GRIN2B: variants seen among roughly 807,000 people sequenced by gnomAD.
GRIN2B encodes the protein glutamate receptor ionotropic, NMDA 2B.
GRIN2B carries 5 observed loss-of-function variants against 114.5 expected under a neutral mutation model. The observed-to-expected ratio is 0.04, with a 90% CI of 0.02 to 0.09. The LOEUF (loss-of-function observed/expected upper bound fraction) is 0.09. GRIN2B is among the 10% of genes least tolerant of loss of function. The probability of loss-of-function intolerance (pLI) is 1.00; values close to 1 mark genes in which losing one functional copy is unlikely to be tolerated. For synonymous variants in GRIN2B, 787 were observed against 745.1 expected, an observed-to-expected ratio of 1.06 and a Z score of -0.92; for missense variants, 1,108 against 1,943.5, an observed-to-expected ratio of 0.57 and a Z score of 8.08.
intron 10 of GRIN2B, among the ~76,000 whole-genome samples, chr12:13,595,937 G>T (rs1043723356): frequency 1.3e-5 from 2 of 152,016 alleles, no homozygotes; most frequent in African/African-American, 4.8e-5. Context: ...TGTGGTGTAT[G>T]TGCTGGTGTG....
chr12:13,663,532 T>C (rs1949945124), intron 5 of GRIN2B, among the ~76,000 whole-genome samples: 1 of 152,216 alleles, frequency 6.6e-6, no homozygotes, highest in Non-Finnish European at 1.5e-5. Flanking sequence ...GAGGGGTTTC[T>C]AATTGCCTGA....
At chr12:13,708,659 T>C (rs1950385191) in intron 4 of GRIN2B, among the ~76,000 whole-genome samples, 1 of 152,046 alleles carries the variant, frequency 6.6e-6, no homozygotes, top group Admixed American at 6.6e-5. Flanking sequence ...ATATCATTTC[T>C]TTCTATAAAA....
chr12:13,655,429 G>A (rs139835843), intron 5 of GRIN2B, among the ~76,000 whole-genome samples: 65 of 152,208 alleles, frequency 4.3e-4, no homozygotes, highest in South Asian at 8.3e-4. Flanking sequence ...ATTTTACAGC[G>A]GTAAGAATTG....
chr12:13,752,403 A>T (rs1378859522), intron 4 of GRIN2B, among the ~76,000 whole-genome samples: 1 of 152,230 alleles, frequency 6.6e-6, no homozygotes, highest in Non-Finnish European at 1.5e-5. Flanking sequence ...ATGCATAGAG[A>T]GATATCTAGA....
chr12:13,971,090 C>T (rs1311283424), intron 2 of GRIN2B, among the ~76,000 whole-genome samples: 1 of 152,132 alleles, frequency 6.6e-6, no homozygotes, highest in Admixed American at 6.5e-5. Flanking sequence ...GATGTTTTGC[C>T]TGTGTGGGGC....
intron 5 of GRIN2B, among the ~76,000 whole-genome samples, chr12:13,621,808 T>C (rs1355029112): frequency 6.6e-6 from 1 of 152,096 alleles, no homozygotes; most frequent in Admixed American, 6.5e-5. Context: ...TCTAGGGAAC[T>C]AATCTGTAAT....
At chr12:13,937,889 G>A (rs532383212) in intron 2 of GRIN2B, among the ~76,000 whole-genome samples, 3 of 152,210 alleles carry the variant, frequency 2.0e-5, no homozygotes, top group South Asian at 4.1e-4. Context: ...AGTGGGAAGT[G>A]AGAATCAAGA....
At chr12:13,897,990 T>TAATA (rs58807255) in intron 2 of GRIN2B, among the ~76,000 whole-genome samples, 33,946 of 144,512 alleles carry the variant, frequency 0.23, 4,065 homozygotes, top group African/African-American at 0.29. Flanking sequence ...TAAAGTATAA[T>TAATA]AATAAATAAA....
At chr12:13,835,771 T>TA (rs1165005583) in intron 3 of GRIN2B, among the ~76,000 whole-genome samples, 2,794 of 91,404 alleles carry the variant, frequency 0.031, 74 homozygotes, top group African/African-American at 0.083. Flanking sequence ...CATAGCACAT[T>TA]AAAAAAAAAA....
intron 3 of GRIN2B, among the ~76,000 whole-genome samples, chr12:13,842,922 T>TTC (rs1555146503): frequency 5.4e-4 from 45 of 83,818 alleles, no homozygotes; most frequent in African/African-American, 1.6e-3. Context: ...TTTTTCTTTT[T>TTC]TTTTTTTTTT....
At chr12:13,744,421 G>A (rs940076224) in intron 4 of GRIN2B, among the ~76,000 whole-genome samples, 2 of 152,180 alleles carry the variant, frequency 1.3e-5, no homozygotes, top group Non-Finnish European at 2.9e-5. Flanking sequence ...ATGAATATGA[G>A]TGTGTGCGTG....
chr12:13,899,218 C>T (rs1377386475), intron 2 of GRIN2B, among the ~76,000 whole-genome samples: 3 of 151,942 alleles, frequency 2.0e-5, no homozygotes, highest in Admixed American at 1.3e-4. Context: ...TTGTGCAAAG[C>T]CCCCTATTGT....
At chr12:13,901,827 G>A (rs1866458242) in intron 2 of GRIN2B, among the ~76,000 whole-genome samples, 1 of 151,956 alleles carries the variant, frequency 6.6e-6, no homozygotes, top group Non-Finnish European at 1.5e-5. Flanking sequence ...AAGTTCATGA[G>A]ATATTCCTAT....
intron 2 of GRIN2B, among the ~76,000 whole-genome samples, chr12:13,942,957 C>T (rs1415921950): frequency 6.6e-6 from 1 of 152,096 alleles, no homozygotes; most frequent in Non-Finnish European, 1.5e-5. Flanking sequence ...ATCCTTGACC[C>T]CTCTGGTCCC....
At chr12:13,855,357 G>C (rs145867928) in intron 3 of GRIN2B, among the ~76,000 whole-genome samples, 1 of 152,210 alleles carries the variant, frequency 6.6e-6, no homozygotes. Flanking sequence ...ACAGTAAGTG[G>C]TGATAGAACC....
At chr12:13,601,199 T>G (rs1949154035) in intron 10 of GRIN2B, among the ~76,000 whole-genome samples, 1 of 152,208 alleles carries the variant, frequency 6.6e-6, no homozygotes, top group Non-Finnish European at 1.5e-5. Context: ...GAACAGAAGC[T>G]TATTCTCACA....
chr12:13,720,446 G>C (rs943710106), intron 4 of GRIN2B, among the ~76,000 whole-genome samples: 11 of 152,072 alleles, frequency 7.2e-5, no homozygotes, highest in African/African-American at 2.7e-4. Context: ...ATTTAATTCA[G>C]CGGCAGATTT....
At chr12:13,639,884 T>A (rs1255901314) in intron 5 of GRIN2B, among the ~76,000 whole-genome samples, 4 of 152,176 alleles carry the variant, frequency 2.6e-5, no homozygotes, top group African/African-American at 9.6e-5. Context: ...CCATGTTCTT[T>A]TCTTTCACTT....
chr12:13,560,397 C>T lies in GRIN2B; in HGVS notation c.*2386G>A, dbSNP rs1948526374. On this transcript the variant is annotated 3_prime_UTR_variant, in exon 14 of 14. Transcript: ENST00000609686. Reference sequence around the variant, plus strand: ...ACTTTATCTATACAAAATTAGAAAACAAAATATTTACATATGAAATAAACA... The same window carrying T: ...ACTTTATCTATACAAAATTAGAAAATAAAATATTTACATATGAAATAAACA... 1 of 152,182 alleles carries T rather than the reference C, an allele frequency of 6.6e-6. No homozygotes were observed. The highest frequency in any genetic ancestry group is 2.4e-5 in the African/African-American group (1 of 41,444). 9.4% of individuals were successfully genotyped at this position (152,182 alleles called of 1,614,324 possible).
Sources: gnomAD v4.1 joint callset for allele counts (sites outside exome capture counted in the v4.1 genomes callset) on GRCh38, gnomAD v4.1.1 for gene constraint, MANE v1.5 for transcripts, NCBI Gene and HGNC (gene_info 2026-07-23, HGNC 2026-07-21) for gene names.